The following TENM3 variants were observed in gnomAD, a reference collection of about 807,000 sequenced individuals.
TENM3 encodes teneurin-3.
In TENM3, 63 loss-of-function variants were observed where a neutral mutation model predicts 255.1. The ratio of observed to expected loss-of-function variants is 0.25; its 90% confidence interval spans 0.20 to 0.30. TENM3 has a LOEUF of 0.30. Ranked by LOEUF, TENM3 falls within the 10% of genes least tolerant of loss-of-function variation. The pLI, the probability that TENM3 is intolerant of heterozygous loss-of-function variation, is 1.00. For missense variants in TENM3, 2,929 were observed against 3,461.1 expected (o/e 0.85, Z 3.86); for synonymous variants, 1,306 against 1,322.3 (o/e 0.99, Z 0.27).
At chr4:181,741,862 G>A in the TENM3 span, among the ~76,000 whole-genome samples, 8 of 152,064 alleles carry the variant, frequency 5.3e-5, no homozygotes, top group Non-Finnish European at 8.8e-5. Context: ...CATCACAACC[G>A]TATTATTATT....
chr4:181,501,031 C>A, the TENM3 span, among the ~76,000 whole-genome samples: 1 of 152,204 alleles, frequency 6.6e-6, no homozygotes, highest in Admixed American at 6.5e-5. Context: ...ACCGGACAGT[C>A]CACCTGCCCA....
chr4:182,282,915 A>G (rs1760484978), intron 1 of TENM3, among the ~76,000 whole-genome samples: 1 of 151,760 alleles, frequency 6.6e-6, no homozygotes, highest in African/African-American at 2.4e-5. Flanking sequence ...AAAAAAAAAA[A>G]ATTTATAGTT....
At chr4:181,486,017 G>GA in the TENM3 span, among the ~76,000 whole-genome samples, 53,037 of 149,462 alleles carry the variant, frequency 0.35, 9,204 homozygotes, top group Admixed American at 0.38. Flanking sequence ...AAACTTGAGA[G>GA]AAAAAAAAAA....
At chr4:181,893,285 C>T in the TENM3 span, among the ~76,000 whole-genome samples, 281 of 152,194 alleles carry the variant, frequency 1.8e-3, 1 homozygote, top group Non-Finnish European at 3.0e-3. Context: ...AAATACAGAA[C>T]AAGTGGGGTT....
intron 5 of TENM3, among the ~76,000 whole-genome samples, 167 bp from the exon 6 acceptor site, chr4:182,653,600 ATTTG>A (rs1753511549): frequency 6.6e-6 from 1 of 152,012 alleles, no homozygotes; most frequent in South Asian, 2.1e-4. Flanking sequence ...TGTAAATTAT[ATTTG>A]TTTGAGGAAC....
chr4:181,457,428 T>G, the TENM3 span, among the ~76,000 whole-genome samples: 4 of 151,902 alleles, frequency 2.6e-5, no homozygotes, highest in African/African-American at 9.6e-5. Context: ...CTCTCCTTCT[T>G]GGTAGTCATT....
chr4:181,523,061 A>C, the TENM3 span: 16 of 579,400 alleles, frequency 2.8e-5, no homozygotes, highest in Non-Finnish European at 2.4e-5. Flanking sequence ...TCAGATTACA[A>C]ATGTATGAGC....
At chr4:182,589,451 T>C (rs1357323483) in intron 3 of TENM3, among the ~76,000 whole-genome samples, 1 of 150,500 alleles carries the variant, frequency 6.6e-6, no homozygotes, top group African/African-American at 2.4e-5. Context: ...TTTTAATTTT[T>C]TTTTTTTTTT....
the TENM3 span, among the ~76,000 whole-genome samples, chr4:181,885,466 T>C: frequency 5.3e-5 from 8 of 152,304 alleles, no homozygotes; most frequent in African/African-American, 1.7e-4. Context: ...TTTCACCATG[T>C]TGGCCAGGAT....
At position 182,799,912 on chromosome 4, in the gene TENM3, C is replaced by G. The variant is rs753453014; in HGVS notation, c.7661C>G (p.Thr2554Arg). The change falls in exon 28 of 28, where the codon ACG (threonine) becomes AGG (arginine). Residue 2554 changes from threonine to arginine, a missense_variant. Thr to Arg is a moderately conservative substitution (Grantham distance 71, BLOSUM62 -1). Transcript: ENST00000511685. The surrounding 1 kb of genome is among the most constrained non-coding windows in gnomAD (Gnocchi z 4.2). ...KDTHYFIKTT[T>R]PESDLGTLRL... ...ACGCACTACTTCATCAAGACCACCA[C>G]GCCCGAGAGCGACCTGGGCACGCTG... is the stretch of plus-strand genomic sequence containing the variant. The G allele has an allele frequency of 2.5e-6, 4 of 1,604,532 alleles. No homozygotes were observed. The highest frequency in any genetic ancestry group is 3.4e-6 in the Non-Finnish European group (4 of 1,175,944).
the TENM3 span, among the ~76,000 whole-genome samples, chr4:181,905,013 T>C: frequency 1.3e-5 from 2 of 152,170 alleles, no homozygotes; most frequent in African/African-American, 4.8e-5. Context: ...ACCTTCTGCC[T>C]TGATTGTGAG....
chr4:181,589,856 G>A, the TENM3 span, among the ~76,000 whole-genome samples: 110 of 152,216 alleles, frequency 7.2e-4, no homozygotes, highest in Non-Finnish European at 1.3e-3. Context: ...TCTGATGACA[G>A]AAGGGTTACT....
At chr4:182,133,155 G>C in the TENM3 span, among the ~76,000 whole-genome samples, 2 of 152,186 alleles carry the variant, frequency 1.3e-5, no homozygotes, top group African/African-American at 2.4e-5. Flanking sequence ...CAATATAAGA[G>C]AAAACAGGGT....
the TENM3 span, among the ~76,000 whole-genome samples, chr4:181,801,846 T>C: frequency 3.3e-5 from 5 of 151,996 alleles, no homozygotes; most frequent in African/African-American, 1.2e-4. Flanking sequence ...TTTTCCCTTA[T>C]AACTTGATGC....
intron 3 of TENM3, among the ~76,000 whole-genome samples, chr4:182,592,875 A>G (rs1161932365): frequency 6.6e-6 from 1 of 152,226 alleles, no homozygotes; most frequent in Non-Finnish European, 1.5e-5. Context: ...GTGAAAACGA[A>G]TTTTAGGACA....
In TENM3 at chr4:182,323,992, G is replaced by A. The variant is rs889157414; in HGVS notation, c.-29G>A. On this transcript the variant is annotated 5_prime_UTR_variant, in exon 2 of 28. Coordinates refer to ENST00000511685, the MANE Select transcript of TENM3 (RefSeq NM_001080477.4). ...CCTGAGCCTAAGTTGTCACCAGCAGGACTGATGTGCACACAGAAGGAATGA... is the reference window on the plus strand; with the variant it reads ...CCTGAGCCTAAGTTGTCACCAGCAGAACTGATGTGCACACAGAAGGAATGA... 5.0e-6 allele frequency: 8 copies of A among 1,593,612 alleles called. No individual in the cohort carries two copies. Among genetic ancestry groups the A allele is most frequent in the Non-Finnish European group, 6.9e-6 (8 of 1,165,620 alleles).
intron 3 of TENM3, among the ~76,000 whole-genome samples, chr4:182,593,723 C>G (rs1431026837): frequency 6.6e-6 from 1 of 152,166 alleles, no homozygotes; most frequent in East Asian, 1.9e-4. Context: ...TCCTCCTTTC[C>G]TCTCATCTCA....
the TENM3 span, among the ~76,000 whole-genome samples, chr4:181,806,243 T>C: frequency 6.6e-6 from 1 of 152,210 alleles, no homozygotes; most frequent in African/African-American, 2.4e-5. Flanking sequence ...CCATATGTCA[T>C]TGAAGCCCCA....
the TENM3 span, among the ~76,000 whole-genome samples, chr4:181,667,525 T>G: frequency 6.6e-6 from 1 of 152,052 alleles, no homozygotes; most frequent in Non-Finnish European, 1.5e-5. Context: ...TGCCCTCAAG[T>G]TGGATTAATG....
Sources: allele counts gnomAD v4.1 joint callset (sites outside exome capture counted in the v4.1 genomes callset), GRCh38; gene constraint gnomAD v4.1.1; non-coding constraint Gnocchi (gnomAD v3.1); transcripts MANE v1.5; gene names NCBI Gene and HGNC (gene_info 2026-07-23, HGNC 2026-07-21).